The following MYO1B variants were observed in gnomAD, a reference collection of about 807,000 sequenced individuals.
MYO1B encodes the protein myosin IB.
In MYO1B, 72 loss-of-function variants were observed where a neutral mutation model predicts 159.7. The observed-to-expected ratio is 0.45, with a 90% CI of 0.37 to 0.55. The LOEUF (loss-of-function observed/expected upper bound fraction) is 0.55, where lower values mean the gene tolerates loss of function less well. MYO1B is among the 20% of genes least tolerant of loss of function. The pLI, the probability that MYO1B is intolerant of heterozygous loss-of-function variation, is 0.00. For synonymous variants in MYO1B, 468 were observed against 473.8 expected (o/e 0.99, Z 0.16); for missense variants, 1,062 against 1,364.8 (o/e 0.78, Z 3.50).
At chr2:191,286,206 A>T (rs937856639) in intron 2 of MYO1B, among the ~76,000 whole-genome samples, 4 of 152,178 alleles carry the variant, frequency 2.6e-5, no homozygotes, top group African/African-American at 9.7e-5. Flanking sequence ...TTACATTTTT[A>T]AAAAATATAA....
chr2:191,421,179 C>T (rs1428494123), intron 30 of MYO1B, among the ~76,000 whole-genome samples: 1 of 151,650 alleles, frequency 6.6e-6, no homozygotes, highest in African/African-American at 2.4e-5. Context: ...AAGGGATTCT[C>T]CTGCCTCAGT....
At chr2:191,388,881 C>CT (rs1326640214) in intron 17 of MYO1B, among the ~76,000 whole-genome samples, 1 of 152,070 alleles carries the variant, frequency 6.6e-6, no homozygotes, top group African/African-American at 2.4e-5. Context: ...CATTCCCCTC[C>CT]TTTTTTTATT....
At chr2:191,398,695 TC>T (rs1277183892) in intron 21 of MYO1B, among the ~76,000 whole-genome samples, 1 of 149,752 alleles carries the variant, frequency 6.7e-6, no homozygotes, top group Non-Finnish European at 1.5e-5. Flanking sequence ...GCTCCTCACT[TC>T]CTAGATGGGA....
At chr2:191,402,150 G>A (rs914859106) in intron 23 of MYO1B, 2 of 152,366 alleles carry the variant, frequency 1.3e-5, no homozygotes, top group Non-Finnish European at 2.9e-5. Flanking sequence ...TTTCCTCCCA[G>A]TTTTCTAAGT....
At chr2:191,290,157 G>T (rs1032915693) in intron 2 of MYO1B, among the ~76,000 whole-genome samples, 2 of 152,152 alleles carry the variant, frequency 1.3e-5, no homozygotes, top group Non-Finnish European at 2.9e-5. Context: ...AAGCCATGGG[G>T]CTCTTGGGTC....
intron 1 of MYO1B, among the ~76,000 whole-genome samples, chr2:191,259,040 C>T (rs987868600): frequency 2.6e-4 from 39 of 152,276 alleles, no homozygotes; most frequent in African/African-American, 7.5e-4. Flanking sequence ...GATACATAGT[C>T]GACTTCACCT....
At chr2:191,390,587 A>T (rs574130352) in intron 18 of MYO1B, 95 bp downstream of exon 18, 142 of 1,352,376 alleles carry the variant, frequency 1.1e-4, no homozygotes, top group Non-Finnish European at 1.3e-4. Context: ...ACAGAATTTT[A>T]TGAAAAACTG....
intron 1 of MYO1B, among the ~76,000 whole-genome samples, 199 bp from the exon 2 acceptor site, chr2:191,276,688 G>A (rs965344760): frequency 2.0e-5 from 3 of 152,164 alleles, no homozygotes; most frequent in African/African-American, 7.2e-5. Context: ...TTCATTTGTG[G>A]CAGCAGGTTG....
chr2:191,383,200 A>T (rs1303926353), intron 14 of MYO1B, 80 bp from the exon 15 acceptor site: 14 of 794,336 alleles, frequency 1.8e-5, no homozygotes, highest in East Asian at 3.1e-5. Context: ...ATATGATAAG[A>T]TGGTCAAAGT....
At chr2:191,274,968 C>T (rs748817766) in intron 1 of MYO1B, among the ~76,000 whole-genome samples, 8 of 152,042 alleles carry the variant, frequency 5.3e-5, no homozygotes, top group South Asian at 2.1e-4. Flanking sequence ...ATTACAGTGG[C>T]GCAATCTCGG....
At chr2:191,423,692 T>C (rs1698085364) in intron 30 of MYO1B, 145 bp from the exon 31 acceptor site, 1 of 718,416 alleles carries the variant, frequency 1.4e-6, no homozygotes, top group Admixed American at 3.3e-5. Context: ...TTTCAGAGTT[T>C]GGAGGTTTCA....
chr2:191,285,434 GCGGCCACCGTCGGCAGCCA>G (rs1278683128), intron 2 of MYO1B, among the ~76,000 whole-genome samples: 2 of 152,192 alleles, frequency 1.3e-5, no homozygotes, highest in African/African-American at 2.4e-5. Flanking sequence ...TGACAAACTT[GCGGCCACCGTCGGCAGCCA>G]CGGTTTGCGG....
rs550451565 is a variant in MYO1B at position 191,363,582 on chromosome 2, C to A, written c.766-146C>A. 11 of 1,107,124 alleles carry A rather than the reference C, an allele frequency of 9.9e-6. No homozygotes were observed. The African/African-American group carries it at 1.4e-4, about 14-fold the overall frequency. The allele number at this position is 1,107,124 out of a possible 1,614,324, so 68.6% of individuals were successfully genotyped here. A position where few individuals can be genotyped will look rare whatever the true frequency, so the allele number is the denominator to read the frequency against. On this transcript the variant is annotated intron_variant, in intron 9 of 30. Coordinates refer to ENST00000392318, the MANE Select transcript of MYO1B (RefSeq NM_001130158.3). ...CACCAGAGGTACCCCCAGGGTTCCT[C>A]GAATCACAGTTGGAAACCACTGAAG... is the stretch of plus-strand genomic sequence containing the variant.
chr2:191,317,160 T>A (rs1482620872), intron 3 of MYO1B, among the ~76,000 whole-genome samples: 1 of 152,096 alleles, frequency 6.6e-6, no homozygotes. Context: ...AGGTGCAGCG[T>A]CGTTTTTATT....
At chr2:191,422,037 T>A (rs1559255717) in intron 30 of MYO1B, among the ~76,000 whole-genome samples, 1 of 152,214 alleles carries the variant, frequency 6.6e-6, no homozygotes, top group Non-Finnish European at 1.5e-5. Flanking sequence ...CTTGTTTCAT[T>A]CTAGCAGATA....
chr2:191,370,192 C>G (rs747411223), intron 12 of MYO1B, 35 bp from the exon 13 acceptor site: 1 of 1,429,534 alleles, frequency 7.0e-7, no homozygotes, highest in Non-Finnish European at 9.9e-7. Context: ...ATATTTCATG[C>G]CTTAATTAAC....
chr2:191,255,849 G>A (rs1262085933), intron 1 of MYO1B, among the ~76,000 whole-genome samples: 1 of 152,088 alleles, frequency 6.6e-6, no homozygotes, highest in Non-Finnish European at 1.5e-5. Flanking sequence ...GGACACGAGC[G>A]TCCTGCTCAG....
At chr2:191,355,785 G>A (rs1032607870) in intron 7 of MYO1B, among the ~76,000 whole-genome samples, 5 of 152,134 alleles carry the variant, frequency 3.3e-5, no homozygotes, top group African/African-American at 9.7e-5. Context: ...GGGCCAGCAC[G>A]CTGGGGGAGT....
At position 191,360,746 on chromosome 2, in the gene MYO1B, A is replaced by G. The variant is rs765161247; in HGVS notation, c.661+17A>G. ...AGCTCCTCAGTAAGTCTCTGTTTCTATGTGGTGTTGTTGTTGTTGTTGTTG... is the reference window on the plus strand; with the variant it reads ...AGCTCCTCAGTAAGTCTCTGTTTCTGTGTGGTGTTGTTGTTGTTGTTGTTG... On this transcript the variant is annotated intron_variant, in intron 8 of 30. Transcript: ENST00000392318. 1.9e-5 allele frequency: 23 copies of G among 1,206,154 alleles called. No individual in the cohort carries two copies. Among genetic ancestry groups the G allele is most frequent in the Admixed American group, 1.7e-4 (8 of 46,368 alleles). 74.7% of individuals were successfully genotyped at this position (1,206,154 alleles called of 1,614,324 possible).
Sources: gnomAD v4.1 joint callset for allele counts (sites outside exome capture counted in the v4.1 genomes callset) on GRCh38, gnomAD v4.1.1 for gene constraint, MANE v1.5 for transcripts, NCBI Gene and HGNC (gene_info 2026-07-23, HGNC 2026-07-21) for gene names.